ODF2: variants seen among roughly 807,000 people sequenced by gnomAD.
ODF2 encodes outer dense fiber of sperm tails 2, also known as outer dense fiber protein 2.
A neutral mutation model predicts 110.2 loss-of-function variants in ODF2; 47 were observed. The observed-to-expected ratio is 0.43, with a 90% CI of 0.34 to 0.54. The LOEUF (loss-of-function observed/expected upper bound fraction) is 0.54. Among genes scored for constraint, ODF2 ranks in the 20% least tolerant of loss-of-function variants. The pLI is 0.03. For synonymous variants in ODF2, 352 were observed against 397.7 expected (o/e 0.89, Z 1.37); for missense variants, 812 against 1,054.5 (o/e 0.77, Z 3.19).
chr9:128,484,900 G>T lies in ODF2; in HGVS notation c.1290+14G>T. 1 of 1,610,920 alleles carries T rather than the reference G, an allele frequency of 6.2e-7. No individual in the cohort carries two copies. The highest frequency in any genetic ancestry group is 8.5e-7 in the Non-Finnish European group (1 of 1,178,902). On this transcript the variant is annotated intron_variant, in intron 12 of 20. Coordinates refer to ENST00000604420, the Ensembl canonical transcript of ODF2. Reference sequence around the variant, plus strand: ...CTCGCTGACAAGGTCGCAGGCCCGCGGTGCCCAGCTCCTCACCTGCCCTGA... The same window carrying T: ...CTCGCTGACAAGGTCGCAGGCCCGCTGTGCCCAGCTCCTCACCTGCCCTGA...
At chr9:128,458,161 CTTTGGGG>C (rs1835432338) in intron 2 of ODF2, among the ~76,000 whole-genome samples, 1 of 152,008 alleles carries the variant, frequency 6.6e-6, no homozygotes, top group South Asian at 2.1e-4. Context: ...TCTCCCCCCA[CTTTGGGG>C]GGCCAGGTGC....
chr9:128,487,785 TA>T, intron 13 of ODF2, 104 bp from the exon 14 acceptor site: 5 of 1,392,388 alleles, frequency 3.6e-6, no homozygotes, highest in Non-Finnish European at 4.8e-6. Context: ...AGACTCCGTC[TA>T]AAAAAACAAA....
Position 128,494,478 on chromosome 9 carries a change from T to C in ODF2, c.1753-32T>C, listed in dbSNP as rs1414060061. 1 of 1,601,726 alleles carries C rather than the reference T, an allele frequency of 6.2e-7. No homozygotes were observed. The highest frequency in any genetic ancestry group is 8.5e-7 in the Non-Finnish European group (1 of 1,170,224). On this transcript the variant is annotated intron_variant, in intron 16 of 20. Transcript: ENST00000604420. This position sits in a 1 kb window ranked among gnomAD's most constrained non-coding sequence, Gnocchi z 4.6. Reference sequence around the variant, plus strand: ...CAGGTCTTTCCTAACTGTGGGTCTTTCCTTCCTGTGGGTCTTTCCTTCCTG... The same window carrying C: ...CAGGTCTTTCCTAACTGTGGGTCTTCCCTTCCTGTGGGTCTTTCCTTCCTG...
In ODF2 at chr9:128,494,646, T is replaced by C. The variant is rs773445595; in HGVS notation, c.1889T>C (p.Ile630Thr). The C allele has an allele frequency of 1.2e-6, 2 of 1,613,922 alleles. No individual in the cohort carries two copies. The highest frequency in any genetic ancestry group is 2.7e-5 in the African/African-American group (2 of 74,870). ...CGGAAGAACATCGACCTCACAGCCA[T>C]CATATCAGACCTGCGCAGCCGGGTA... is the stretch of plus-strand genomic sequence containing the variant. The change falls in exon 17 of 21, where the codon ATC (isoleucine) becomes ACC (threonine). Residue 630 changes from isoleucine to threonine, a missense_variant. Physicochemically the swap from Ile to Thr is moderately conservative, Grantham distance 89 (BLOSUM62 -1). Transcript: ENST00000604420. This position sits in a 1 kb window ranked among gnomAD's most constrained non-coding sequence, Gnocchi z 4.6.
At chr9:128,480,633 A>G (rs1473432542) in intron 8 of ODF2, among the ~76,000 whole-genome samples, 5 of 152,128 alleles carry the variant, frequency 3.3e-5, no homozygotes, top group African/African-American at 1.2e-4. Context: ...CCTGGCTAAC[A>G]TGGTGAAACC....
At chr9:128,499,349 G>A (rs1013253392) in intron 20 of ODF2, among the ~76,000 whole-genome samples, 27 of 151,808 alleles carry the variant, frequency 1.8e-4, no homozygotes, top group Non-Finnish European at 7.4e-5. Context: ...GCAGTGGTAC[G>A]ATCTCAGCTC....
intron 8 of ODF2, 71 bp downstream of exon 8, chr9:128,473,812 GT>G: frequency 6.9e-7 from 1 of 1,454,786 alleles, no homozygotes; most frequent in Non-Finnish European, 9.5e-7. Flanking sequence ...CTCCTTGTCT[GT>G]AAAAAGAAAA....
chr9:128,486,323 T>G (rs1467611109), intron 13 of ODF2, among the ~76,000 whole-genome samples: 1 of 152,194 alleles, frequency 6.6e-6, no homozygotes, highest in African/African-American at 2.4e-5. Context: ...TAGGGAGTTC[T>G]CTGTCTAGTG....
At position 128,465,351 on chromosome 9, in the gene ODF2, G is replaced by A. The variant is rs1458890848; in HGVS notation, c.250-3832G>A. Among the ~76,000 whole-genome samples the A allele has an allele frequency of 3.9e-5, 6 of 152,224 alleles. No individual in the cohort carries two copies. In the South Asian group the frequency reaches 8.3e-4, roughly 21 times the overall value. On this transcript the variant is annotated intron_variant, in intron 4 of 20. Transcript: ENST00000604420. ...ATGGAAATGAAGACCAAAAGCTGCT[G>A]TATGCATGTGGGGTTCTTGTTTGAT...
downstream of ODF2, chr9:128,500,818 G>A (rs1299065029): frequency 2.6e-5 from 4 of 152,088 alleles, no homozygotes; most frequent in Admixed American, 1.3e-4. Context: ...ATAGACCCTC[G>A]AGGGCTTGTG....
intron 14 of ODF2, among the ~76,000 whole-genome samples, chr9:128,488,973 C>T (rs1843980741): frequency 1.3e-5 from 2 of 152,308 alleles, no homozygotes; most frequent in African/African-American, 2.4e-5. Context: ...CGCCACTGCA[C>T]TCCAGCCTGG....
chr9:128,467,024 T>A (rs1248765472), intron 4 of ODF2, among the ~76,000 whole-genome samples: 2 of 55,564 alleles, frequency 3.6e-5, no homozygotes, highest in African/African-American at 1.9e-4. Context: ...AATATATATA[T>A]ATATATATAT....
intron 7 of ODF2, chr9:128,473,291 G>C: frequency 1.0e-6 from 1 of 976,902 alleles, no homozygotes; most frequent in African/African-American, 1.8e-5. Context: ...GTGAGTCAAG[G>C]CATGTGGTTG....
intron 8 of ODF2, among the ~76,000 whole-genome samples, chr9:128,479,287 G>C (rs924927843): frequency 2.6e-5 from 4 of 152,132 alleles, no homozygotes; most frequent in African/African-American, 9.7e-5. Flanking sequence ...CTTTGTTCAG[G>C]TGCCAAAGAA....
chr9:128,495,200 G>C (rs1845381107), intron 17 of ODF2, among the ~76,000 whole-genome samples: 1 of 152,228 alleles, frequency 6.6e-6, no homozygotes, highest in South Asian at 2.1e-4. Flanking sequence ...GTGACCTTGG[G>C]CAAGGCCCCT....
intron 9 of ODF2, among the ~76,000 whole-genome samples, chr9:128,481,874 A>G (rs866197139): frequency 6.6e-6 from 1 of 152,212 alleles, no homozygotes; most frequent in Non-Finnish European, 1.5e-5. Context: ...CTGGACACCA[A>G]CATAGAGAGG....
At chr9:128,456,147 C>G (rs1233426932), upstream of ODF2, 1 of 1,548,802 alleles carries the variant, frequency 6.5e-7, no homozygotes, top group South Asian at 1.2e-5. Context: ...GGAGGAGCCG[C>G]TGCCAGAGCC....
intron 19 of ODF2, 103 bp downstream of exon 19, chr9:128,498,678 G>A (rs987588571): frequency 7.3e-6 from 5 of 683,864 alleles, no homozygotes; most frequent in African/African-American, 1.8e-5. Flanking sequence ...AGTAGTACCC[G>A]CTTCATGAAT....
intron 1 of ODF2, chr9:128,457,099 G>T (rs1028852140): frequency 1.5e-6 from 2 of 1,375,492 alleles, no homozygotes; most frequent in African/African-American, 1.5e-5. Context: ...GGACCCGGGC[G>T]CGGTGGTCCT....
Sources: gnomAD v4.1 joint callset for allele counts (sites outside exome capture counted in the v4.1 genomes callset) on GRCh38, gnomAD v4.1.1 for gene constraint, Gnocchi (gnomAD v3.1) non-coding constraint, MANE v1.5 for transcripts, NCBI Gene and HGNC (gene_info 2026-07-23, HGNC 2026-07-21) for gene names.